Variants in TUG1 observed in about 807,000 individuals in gnomAD.
The protein encoded by TUG1 is taurine upregulated gene 1.
chr22:30,970,017 C>G (rs537402513), exon 1 of TUG1: 1 of 152,232 alleles, frequency 6.6e-6, no homozygotes, highest in African/African-American at 2.4e-5. Context: ...AACTATAAAG[C>G]GTGGGTGTAC....
exon 3 of TUG1, chr22:30,975,349 G>A (rs1023552065): frequency 6.6e-6 from 1 of 152,132 alleles, no homozygotes; most frequent in Non-Finnish European, 1.5e-5. Context: ...CCACCGTGGT[G>A]ACACCTAAGG....
exon 3 of TUG1, chr22:30,975,589 TG>T (rs2041279302): frequency 6.6e-6 from 1 of 152,176 alleles, no homozygotes; most frequent in African/African-American, 2.4e-5. Flanking sequence ...CTGAAGATGG[TG>T]TCAAGTGAAC....
At chr22:30,976,857 A>G (rs888101867) in exon 3 of TUG1, 2 of 152,208 alleles carry the variant, frequency 1.3e-5, no homozygotes, top group Non-Finnish European at 2.9e-5. Flanking sequence ...ACTCGACTCT[A>G]CATCTCGTCA....
intron 1 of TUG1, chr22:30,972,456 A>T (rs906987778): frequency 6.6e-6 from 1 of 152,236 alleles, no homozygotes; most frequent in African/African-American, 2.4e-5. Context: ...GCATTGGAAG[A>T]GGAAGAGGGG....
exon 1 of TUG1, chr22:30,969,337 G>GC (rs1408104156): frequency 6.6e-6 from 1 of 152,514 alleles, no homozygotes; most frequent in Non-Finnish European, 1.5e-5. Context: ...GGGGAGTCAG[G>GC]CCCCTAAATC....
At chr22:30,971,237 C>A (rs547359328) in exon 1 of TUG1, 1 of 152,260 alleles carries the variant, frequency 6.6e-6, no homozygotes, top group East Asian at 1.9e-4. Flanking sequence ...ATTGACTATT[C>A]CCTTTTCCTA....
At chr22:30,970,750 T>G (rs2041220793) in exon 1 of TUG1, 1 of 152,198 alleles carries the variant, frequency 6.6e-6, no homozygotes, top group East Asian at 1.9e-4. Flanking sequence ...AGCTAATTAA[T>G]GGTGCACGTG....
exon 1 of TUG1, chr22:30,970,872 T>G (rs1224230267): frequency 6.6e-6 from 1 of 152,242 alleles, no homozygotes; most frequent in Admixed American, 6.5e-5. Flanking sequence ...TGAAAAGTTT[T>G]GTTAGAACTA....
At chr22:30,973,382 T>G (rs768099930) in exon 2 of TUG1, 2 of 152,218 alleles carry the variant, frequency 1.3e-5, no homozygotes, top group Non-Finnish European at 2.9e-5. Context: ...AATCCTGTAG[T>G]AGCCTACTGA....
At chr22:30,972,803 TTGTA>T (rs1374871985) in intron 1 of TUG1, 48 bp from the exon 2 acceptor site, 1 of 153,428 alleles carries the variant, frequency 6.5e-6, no homozygotes, top group African/African-American at 2.4e-5. Flanking sequence ...AGTCCTGTGT[TTGTA>T]ATTCCATGCA....
At chr22:30,971,335 G>A (rs549741990) in exon 1 of TUG1, 2 of 152,334 alleles carry the variant, frequency 1.3e-5, no homozygotes, top group South Asian at 2.1e-4. Flanking sequence ...AATTAAATCC[G>A]GATGTACCTC....
exon 3 of TUG1, chr22:30,978,201 A>T (rs561083320): frequency 6.6e-6 from 1 of 152,196 alleles, no homozygotes; most frequent in Non-Finnish European, 1.5e-5. Flanking sequence ...GGGCTCTCAG[A>T]CTCATGACCA....
exon 3 of TUG1, chr22:30,977,951 C>G (rs945828558): frequency 5.3e-5 from 8 of 152,136 alleles, no homozygotes; most frequent in African/African-American, 1.9e-4. Context: ...TTTTCAGCAC[C>G]TGGAACCTCA....
Position 30,971,212 on chromosome 22 carries a change from T to C in TUG1, c.*1394T>C, listed in dbSNP as rs532891403. On this transcript the variant is annotated 3_prime_UTR_variant, in exon 1 of 3. Coordinates refer to ENST00000644773, the Ensembl canonical transcript of TUG1. ...AGCCAGTTATGCTATTTCATTCAAA[T>C]GTCTGAAAAAATCAATTGACTATTC... 5 of 152,314 alleles carry C rather than the reference T, an allele frequency of 3.3e-5. No homozygotes were observed. The South Asian group carries it at 1.0e-3, about 32-fold the overall frequency. 9.4% of individuals were successfully genotyped at this position (152,314 alleles called of 1,614,324 possible). A position where few individuals can be genotyped will look rare whatever the true frequency, so the allele number is the denominator to read the frequency against.
chr22:30,977,612 T>TC (rs1413050482), exon 3 of TUG1: 12 of 152,232 alleles, frequency 7.9e-5, no homozygotes, highest in Non-Finnish European at 1.5e-4. Context: ...ACTTCCTTAT[T>TC]GATCTGCTGG....
intron 2 of TUG1, chr22:30,974,099 A>C (rs577906090): frequency 1.3e-5 from 2 of 152,316 alleles, no homozygotes; most frequent in African/African-American, 4.8e-5. Flanking sequence ...CTGGGCCCTA[A>C]GAGCTTGTCT....
chr22:30,971,251 G>C (rs962914367), exon 1 of TUG1: 1 of 152,164 alleles, frequency 6.6e-6, no homozygotes, highest in Non-Finnish European at 1.5e-5. Flanking sequence ...TTTCCTAAAG[G>C]GCAGAGACAG....
chr22:30,977,146 C>T (rs1408157839), exon 3 of TUG1: 1 of 152,096 alleles, frequency 6.6e-6, no homozygotes, highest in African/African-American at 2.4e-5. Context: ...CTAAAATATA[C>T]ATTGTATATA....
At chr22:30,975,821 T>C (rs980147005) in exon 3 of TUG1, 2 of 152,198 alleles carry the variant, frequency 1.3e-5, no homozygotes, top group Non-Finnish European at 2.9e-5. Flanking sequence ...GAGGCCATAT[T>C]AGAGCAACTT....
Sources: allele counts gnomAD v4.1 joint callset, GRCh38; gene constraint gnomAD v4.1.1; transcripts MANE v1.5; gene names NCBI Gene and HGNC (gene_info 2026-07-23, HGNC 2026-07-21).